Variants in DSTYK observed in about 807,000 individuals in gnomAD.
The protein encoded by DSTYK is RIP-homologous kinase.
A neutral mutation model predicts 98.7 loss-of-function variants in DSTYK; 34 were observed. The observed-to-expected ratio is 0.34, with a 90% CI of 0.26 to 0.46. DSTYK has a LOEUF of 0.46. Ranked by LOEUF, DSTYK falls within the 20% of genes least tolerant of loss-of-function variation. The pLI, the probability that DSTYK is intolerant of heterozygous loss-of-function variation, is 1.00. For missense variants in DSTYK, 962 were observed against 1,181.7 expected, an observed-to-expected ratio of 0.81 and a Z score of 2.73; for synonymous variants, 462 against 457.3, an observed-to-expected ratio of 1.01 and a Z score of -0.13.
Position 205,147,499 on chromosome 1 carries a change from T to C in DSTYK, c.*59A>G. On this transcript the variant is annotated 3_prime_UTR_variant, in exon 13 of 13. Transcript: ENST00000367162. ...GTGAATAAATGTCAAATTCTCCCCA[T>C]GGCCAAAAGGTGAGGGGGAAGGAAA... 1 of 1,554,288 alleles carries C rather than the reference T, an allele frequency of 6.4e-7. No homozygotes were observed. Among genetic ancestry groups the C allele is most frequent in the African/African-American group, 1.4e-5 (1 of 73,134 alleles).
chr1:205,158,076 A>T lies in DSTYK; in HGVS notation c.2239-690T>A, dbSNP rs956528075. On this transcript the variant is annotated intron_variant, in intron 9 of 12. Transcript: ENST00000367162. ...CCCAGGTTTGGTTTTATGGATTCAA[A>T]TACCAAAGTCACTCATATTACTTCA... Among the ~76,000 whole-genome samples the T allele has an allele frequency of 2.0e-5, 3 of 152,160 alleles. No individual in the cohort carries two copies. The East Asian group carries it at 5.8e-4, about 29-fold the overall frequency.
chr1:205,160,197 T>C lies in DSTYK; in HGVS notation c.2022A>G (p.Gly674=), dbSNP rs758848969. ...CTGATTTGAGGGCACAAGGGAAGTG[T>C]CCTCCCCAGTTGTCACACAGGTATA... is the stretch of plus-strand genomic sequence containing the variant. The part of the protein sequence containing the change: ...GVVYLCDNWG[G]HFPCALKSVV... The change falls in exon 8 of 13, where the codon GGA becomes GGG. Residue 674 remains glycine (G), a synonymous_variant. Transcript: ENST00000367162. 1.7e-5 allele frequency: 28 copies of C among 1,613,924 alleles called. No individual in the cohort carries two copies. The highest frequency in any genetic ancestry group is 2.2e-5 in the Non-Finnish European group (26 of 1,179,866).
rs770728602 is a variant in DSTYK, at chr1:205,148,316, C to T, written c.2491G>A (p.Val831Ile). 6.2e-7 allele frequency: 1 copy of T among 1,614,130 alleles called. No homozygotes were observed. The highest frequency in any genetic ancestry group is 2.2e-5 in the East Asian group (1 of 44,880). ...FTGKYDNSVD[V>I]YAFGILFWYI... ...CAGAAAAGAATTCCAAAAGCGTAGA[C>T]ATCCACGGAATTATCGTACTTCCCT... is the stretch of plus-strand genomic sequence containing the variant. The change falls in exon 12 of 13, where the codon GTC (valine) becomes ATC (isoleucine). Residue 831 changes from valine (V) to isoleucine (I), a missense_variant. By Grantham distance (29) the Val-to-Ile change is conservative (BLOSUM62 3). Coordinates refer to ENST00000367162, the MANE Select transcript of DSTYK (RefSeq NM_015375.3).
chr1:205,160,302 A>C (rs762693997), intron 7 of DSTYK, 32 bp from the exon 8 acceptor site: 1 of 1,581,810 alleles, frequency 6.3e-7, no homozygotes, highest in African/African-American at 1.4e-5. Context: ...ATAAGGCAGG[A>C]GGAATGGGAA....
chr1:205,202,767 T>C, intron 1 of DSTYK: 3 of 640,756 alleles, frequency 4.7e-6, no homozygotes, highest in Non-Finnish European at 2.8e-6. Flanking sequence ...GTAAATACAA[T>C]TAAATATTTT....
At chr1:205,198,786 A>T (rs1407750851) in intron 1 of DSTYK, among the ~76,000 whole-genome samples, 1 of 152,070 alleles carries the variant, frequency 6.6e-6, no homozygotes, top group African/African-American at 2.4e-5. Context: ...AAAATATTAA[A>T]AAAAAGATCT....
intron 2 of DSTYK, chr1:205,173,353 C>T (rs1036239155): frequency 7.1e-6 from 1 of 141,172 alleles, no homozygotes; most frequent in African/African-American, 2.7e-5. Context: ...GAGATCACAC[C>T]ATGCACTCCA....
Position 205,169,258 on chromosome 1 carries a change from T to C in DSTYK, c.1229A>G (p.Asn410Ser), listed in dbSNP as rs200422779. 22 of 1,614,054 alleles carry C rather than the reference T, an allele frequency of 1.4e-5. No homozygotes were observed. Among genetic ancestry groups the C allele is most frequent in the Middle Eastern group, 1.6e-4 (1 of 6,084 alleles). The change falls in exon 3 of 13, where the codon AAC (asparagine) becomes AGC (serine). Residue 410 changes from asparagine to serine, a missense_variant. Asn to Ser is a conservative substitution (Grantham distance 46). Coordinates refer to ENST00000367162, the MANE Select transcript of DSTYK (RefSeq NM_015375.3). This position sits in a 1 kb window ranked among gnomAD's most constrained non-coding sequence, Gnocchi z 4.0. ...ATCCTTCATTTCCTCCTGCTTTCGG[T>C]TGGCAATATTCATCAATGATTCATA... ...ELYESLMNIANRKQEEMKDMI... is the reference protein window; with the variant it reads ...ELYESLMNIASRKQEEMKDMI...
chr1:205,165,086 A>ATGTTT (rs1023416423), intron 3 of DSTYK, among the ~76,000 whole-genome samples: 1 of 152,022 alleles, frequency 6.6e-6, no homozygotes, highest in African/African-American at 2.4e-5. Flanking sequence ...ATTGTATTCT[A>ATGTTT]TGTTTTGTTT....
chr1:205,154,079 G>A (rs190622553), intron 10 of DSTYK, among the ~76,000 whole-genome samples: 1,554 of 151,268 alleles, frequency 0.01, 24 homozygotes, highest in African/African-American at 0.036. Flanking sequence ...GTGTGTGTGT[G>A]TGTGTGCATG....
At chr1:205,199,320 C>A (rs945567335) in intron 1 of DSTYK, among the ~76,000 whole-genome samples, 1 of 152,210 alleles carries the variant, frequency 6.6e-6, no homozygotes, top group Admixed American at 6.6e-5. Flanking sequence ...GAAAAACACA[C>A]TGCCTGTGAT....
At chr1:205,192,818 C>T (rs930762018) in intron 1 of DSTYK, among the ~76,000 whole-genome samples, 9 of 152,198 alleles carry the variant, frequency 5.9e-5, no homozygotes, top group Admixed American at 2.6e-4. Flanking sequence ...GCCGAGATAA[C>T]GCCATTGCAC....
chr1:205,153,108 C>T (rs17344804), intron 10 of DSTYK, among the ~76,000 whole-genome samples: 11,189 of 152,134 alleles, frequency 0.074, 692 homozygotes, highest in African/African-American at 0.15. Flanking sequence ...TCCTAAAGGT[C>T]GAAGAGAATA....
chr1:205,161,469 C>A, intron 6 of DSTYK, 82 bp from the exon 7 acceptor site: 2 of 1,367,956 alleles, frequency 1.5e-6, no homozygotes, highest in East Asian at 4.7e-5. Context: ...ATAATAATAT[C>A]TACTTCATAT....
rs1265106519 is a variant in DSTYK, at chr1:205,144,881, A to G, written c.*2677T>C. Reference sequence around the variant, plus strand: ...ACTAAAAAGGGACTCTGGGTAGAGGAAAAAAATCTAACCTCCCATATGTGA... The same window carrying G: ...ACTAAAAAGGGACTCTGGGTAGAGGGAAAAAATCTAACCTCCCATATGTGA... On this transcript the variant is annotated 3_prime_UTR_variant, in exon 13 of 13. Coordinates refer to ENST00000367162, the MANE Select transcript of DSTYK (RefSeq NM_015375.3). The G allele has an allele frequency of 1.3e-5, 2 of 152,206 alleles. No individual in the cohort carries two copies. Among genetic ancestry groups the G allele is most frequent in the African/African-American group, 4.8e-5 (2 of 41,454 alleles). 9.4% of individuals were successfully genotyped at this position (152,206 alleles called of 1,614,324 possible).
intron 2 of DSTYK, among the ~76,000 whole-genome samples, chr1:205,177,512 C>T (rs770110212): frequency 6.6e-6 from 1 of 152,184 alleles, no homozygotes; most frequent in Non-Finnish European, 1.5e-5. Context: ...TGAACCATCA[C>T]TCTTAAATAT....
intron 1 of DSTYK, among the ~76,000 whole-genome samples, chr1:205,200,809 C>A (rs1659009976): frequency 6.6e-6 from 1 of 152,160 alleles, no homozygotes; most frequent in African/African-American, 2.4e-5. Flanking sequence ...GCAAGTCATT[C>A]TTTGGAACAT....
chr1:205,181,656 T>TGTGTGTGTGTGTGTGTGTGTGTGTG (rs1558616449), intron 2 of DSTYK, among the ~76,000 whole-genome samples: 3 of 142,544 alleles, frequency 2.1e-5, no homozygotes, highest in East Asian at 4.1e-4. Flanking sequence ...ATGTTGGGGT[T>TGTGTGTGTGTGTGTGTGTGTGTGTG]TGTGTGTGTG....
Position 205,145,671 on chromosome 1 carries a change from G to A in DSTYK, c.*1887C>T, listed in dbSNP as rs1313245994. The stretch of plus-strand genomic sequence containing the variant: ...AGCCTCCCAAGTAGCTGGGATTACT[G>A]GTGCGTGCCAGCATGCCCGGCTAAT... On this transcript the variant is annotated 3_prime_UTR_variant, in exon 13 of 13. Coordinates refer to ENST00000367162, the MANE Select transcript of DSTYK (RefSeq NM_015375.3). The A allele has an allele frequency of 6.6e-6, 1 of 151,920 alleles. No homozygotes were observed. Among genetic ancestry groups the A allele is most frequent in the African/African-American group, 2.4e-5 (1 of 41,302 alleles). The allele number at this position is 151,920 out of a possible 1,614,324, so 9.4% of individuals were successfully genotyped here. A position where few individuals can be genotyped will look rare whatever the true frequency, so the allele number is the denominator to read the frequency against.
Sources: gnomAD v4.1 joint callset for allele counts (sites outside exome capture counted in the v4.1 genomes callset) on GRCh38, gnomAD v4.1.1 for gene constraint, Gnocchi (gnomAD v3.1) non-coding constraint, MANE v1.5 for transcripts, NCBI Gene and HGNC (gene_info 2026-07-23, HGNC 2026-07-21) for gene names.